GALNT13: variants seen among roughly 807,000 people sequenced by gnomAD.
The protein encoded by GALNT13 is UDP-GalNAc:polypeptide N-acetylgalactosaminyltransferase 13.
In GALNT13, 28 loss-of-function variants were observed where a neutral mutation model predicts 64.2. That is an observed-to-expected ratio of 0.44 (90% CI 0.32 to 0.60). The LOEUF is 0.60. Ranked by LOEUF, GALNT13 falls within the 20% of genes least tolerant of loss-of-function variation. GALNT13 has a pLI of 0.05. For missense variants in GALNT13, 577 were observed against 669.8 expected (o/e 0.86, Z 1.53); for synonymous variants, 214 against 224.6 (o/e 0.95, Z 0.42).
chr2:154,113,432 G>A (rs981588106), intron 3 of GALNT13, among the ~76,000 whole-genome samples: 4 of 152,328 alleles, frequency 2.6e-5, no homozygotes, highest in Admixed American at 6.5e-5. Context: ...GCCAAATGAC[G>A]AATGTGTTGC....
intron 3 of GALNT13, among the ~76,000 whole-genome samples, chr2:154,081,012 A>G (rs895045031): frequency 1.3e-5 from 2 of 151,502 alleles, no homozygotes; most frequent in Admixed American, 6.6e-5. Flanking sequence ...ACTTGATATT[A>G]TATTTTGTGG....
At chr2:153,888,334 T>C (rs1009319681) in intron 1 of GALNT13, among the ~76,000 whole-genome samples, 2 of 152,052 alleles carry the variant, frequency 1.3e-5, no homozygotes, top group African/African-American at 2.4e-5. Context: ...AAAATAGTTA[T>C]TTTTAAAAAT....
At chr2:153,400,320 G>C in the GALNT13 span, among the ~76,000 whole-genome samples, 6 of 152,248 alleles carry the variant, frequency 3.9e-5, no homozygotes, top group South Asian at 1.2e-3. Flanking sequence ...TGCTGGATTC[G>C]TTTTGCCAGT....
At chr2:153,561,617 G>A in the GALNT13 span, among the ~76,000 whole-genome samples, 1 of 149,960 alleles carries the variant, frequency 6.7e-6, no homozygotes, top group African/African-American at 2.5e-5. Flanking sequence ...CAGATTTTTG[G>A]ATTCTGGATT....
the GALNT13 span, among the ~76,000 whole-genome samples, chr2:153,143,465 C>T: frequency 3.9e-5 from 6 of 151,952 alleles, no homozygotes; most frequent in South Asian, 1.0e-3. Flanking sequence ...GTTAATCTTT[C>T]TCTTTGAGCT....
chr2:153,858,288 G>T, the GALNT13 span, among the ~76,000 whole-genome samples: 1 of 152,318 alleles, frequency 6.6e-6, no homozygotes, highest in Non-Finnish European at 1.5e-5. Flanking sequence ...CAGTGTGATT[G>T]AAGCAGAGTA....
chr2:153,772,886 A>G, the GALNT13 span, among the ~76,000 whole-genome samples: 1 of 152,158 alleles, frequency 6.6e-6, no homozygotes, highest in Non-Finnish European at 1.5e-5. Flanking sequence ...GGCTCTCTAC[A>G]TGGCTGGGCT....
chr2:153,872,360 C>T (rs1444426250), intron 1 of GALNT13, 57 bp downstream of exon 1: 1 of 152,142 alleles, frequency 6.6e-6, no homozygotes, highest in Non-Finnish European at 1.5e-5. Flanking sequence ...GGACGAGCTC[C>T]CTCTGGGCTG....
intron 9 of GALNT13, among the ~76,000 whole-genome samples, chr2:154,305,258 A>C (rs576911929): frequency 6.6e-6 from 1 of 152,060 alleles, no homozygotes; most frequent in African/African-American, 2.4e-5. Context: ...TCTGTTTTTC[A>C]TCACTTTGGG....
chr2:153,876,200 ACTACACACACAC>A (rs774580495), intron 1 of GALNT13, among the ~76,000 whole-genome samples: 21 of 123,362 alleles, frequency 1.7e-4, no homozygotes, highest in Admixed American at 3.2e-4. Flanking sequence ...ACCCCCCCAC[ACTACACACACAC>A]ACACACACAC....
At chr2:153,095,920 A>G in the GALNT13 span, among the ~76,000 whole-genome samples, 1 of 152,126 alleles carries the variant, frequency 6.6e-6, no homozygotes, top group Non-Finnish European at 1.5e-5. Context: ...TAGCATTAGG[A>G]GATATACCTA....
chr2:154,355,813 C>T (rs1281961474), intron 9 of GALNT13, among the ~76,000 whole-genome samples: 1 of 151,904 alleles, frequency 6.6e-6, no homozygotes, highest in African/African-American at 2.4e-5. Context: ...GTTCTGAGGT[C>T]GGATTGTTTT....
the GALNT13 span, among the ~76,000 whole-genome samples, chr2:153,691,206 A>G: frequency 6.6e-6 from 1 of 152,178 alleles, no homozygotes; most frequent in South Asian, 2.1e-4. Flanking sequence ...GAGGCAAGTA[A>G]GTCAGAGACA....
chr2:153,230,659 A>G, the GALNT13 span, among the ~76,000 whole-genome samples: 1 of 152,206 alleles, frequency 6.6e-6, no homozygotes, highest in African/African-American at 2.4e-5. Context: ...CACAATTTAA[A>G]TATATATGAA....
intron 9 of GALNT13, among the ~76,000 whole-genome samples, chr2:154,358,660 T>C (rs141753842): frequency 6.6e-6 from 1 of 152,154 alleles, no homozygotes; most frequent in East Asian, 1.9e-4. Context: ...AAACAATAAG[T>C]CTTACTGTTT....
chr2:153,305,732 C>G, the GALNT13 span, among the ~76,000 whole-genome samples: 1 of 152,244 alleles, frequency 6.6e-6, no homozygotes, highest in African/African-American at 2.4e-5. Flanking sequence ...AGGAGCAATT[C>G]TGTTGTACAG....
At chr2:154,133,415 G>A (rs1455890744) in intron 3 of GALNT13, among the ~76,000 whole-genome samples, 1 of 151,046 alleles carries the variant, frequency 6.6e-6, no homozygotes, top group African/African-American at 2.4e-5. Context: ...ATTGTGAGTT[G>A]CTATGATTAA....
At chr2:154,035,217 TTATGG>T (rs1698587580) in intron 3 of GALNT13, among the ~76,000 whole-genome samples, 1 of 152,110 alleles carries the variant, frequency 6.6e-6, no homozygotes, top group African/African-American at 2.4e-5. Context: ...ATCTCGTCTC[TTATGG>T]TATGTGCGTT....
intron 4 of GALNT13, among the ~76,000 whole-genome samples, chr2:154,230,477 A>G (rs1048402679): frequency 2.0e-5 from 3 of 152,094 alleles, no homozygotes; most frequent in Admixed American, 6.6e-5. Flanking sequence ...TACTTTTATT[A>G]TCATTTATTT....
Sources: allele counts gnomAD v4.1 joint callset (sites outside exome capture counted in the v4.1 genomes callset), GRCh38; gene constraint gnomAD v4.1.1; transcripts MANE v1.5; gene names NCBI Gene and HGNC (gene_info 2026-07-23, HGNC 2026-07-21).